The following PYGB variants were observed in gnomAD, a reference collection of about 807,000 sequenced individuals.
PYGB encodes the protein glycogen phosphorylase, brain form.
PYGB carries 82 observed loss-of-function variants against 94.3 expected under a neutral mutation model. The ratio of observed to expected loss-of-function variants is 0.87; its 90% CI spans 0.73 to 1.04. The LOEUF is 1.04. Among genes scored for constraint, PYGB ranks in the 50% least tolerant of loss-of-function variants. The pLI, the probability that PYGB is intolerant of heterozygous loss-of-function variation, is 0.00. For missense variants in PYGB, 1,132 were observed against 1,158.2 expected, an observed-to-expected ratio of 0.98 and a Z score of 0.33; for synonymous variants, 488 against 479.1, an observed-to-expected ratio of 1.02 and a Z score of -0.24.
At chr20:25,271,199 G>A (rs1806996465) in intron 3 of PYGB, among the ~76,000 whole-genome samples, 184 bp from the exon 4 acceptor site, 1 of 152,024 alleles carries the variant, frequency 6.6e-6, no homozygotes, top group African/African-American at 2.4e-5. Context: ...CCACCACGTT[G>A]ATGTCTTCTG....
chr20:25,292,071 A>G (rs1050108909), intron 16 of PYGB, among the ~76,000 whole-genome samples: 3 of 152,010 alleles, frequency 2.0e-5, no homozygotes, highest in Non-Finnish European at 2.9e-5. Flanking sequence ...AGGGAACGAC[A>G]TTGTCAGCGA....
intron 16 of PYGB, 100 bp from the exon 17 acceptor site, chr20:25,292,306 C>A: frequency 2.1e-6 from 3 of 1,411,120 alleles, no homozygotes; most frequent in Non-Finnish European, 2.9e-6. Context: ...CCTCCACGAC[C>A]CAGCCCCGGG....
At chr20:25,279,736 A>C (rs993029389) in intron 9 of PYGB, among the ~76,000 whole-genome samples, 10 of 152,210 alleles carry the variant, frequency 6.6e-5, no homozygotes, top group African/African-American at 2.4e-4. Context: ...CAGAAAAATA[A>C]AACCAAAAGA....
At chr20:25,268,171 CAT>C (rs2088236405) in intron 2 of PYGB, among the ~76,000 whole-genome samples, 1 of 121,600 alleles carries the variant, frequency 8.2e-6, no homozygotes. Context: ...GCCCCCCCCC[CAT>C]ATCCAAAATA....
In PYGB at chr20:25,248,366, A is replaced by G. The variant is rs144954599; in HGVS notation, c.188A>G (p.His63Arg). The G allele has an allele frequency of 1.9e-6, 3 of 1,595,960 alleles. No individual in the cohort carries two copies. Among genetic ancestry groups the G allele is most frequent in the Non-Finnish European group, 2.6e-6 (3 of 1,172,570 alleles). The change falls in exon 1 of 20, where the codon CAC (histidine) becomes CGC (arginine). Residue 63 changes from histidine to arginine, a missense_variant. Transcript: ENST00000216962. ...FFALAHTVRD[H>R]LVGRWIRTQQ... ...GCGCTGGCGCACACGGTGCGCGACCACCTCGTGGGCCGCTGGATCCGCACG... is the reference window on the plus strand; with the variant it reads ...GCGCTGGCGCACACGGTGCGCGACCGCCTCGTGGGCCGCTGGATCCGCACG...
chr20:25,293,144 T>TG (rs879897985), intron 17 of PYGB, among the ~76,000 whole-genome samples: 5 of 52,648 alleles, frequency 9.5e-5, no homozygotes, highest in African/African-American at 3.9e-4. Flanking sequence ...GGTGGGGGAG[T>TG]GGGGGGGATG....
chr20:25,263,781 A>T (rs1293464658), intron 2 of PYGB, among the ~76,000 whole-genome samples: 1 of 152,236 alleles, frequency 6.6e-6, no homozygotes, highest in Non-Finnish European at 1.5e-5. Flanking sequence ...AAATTGAGGC[A>T]ATAATTAATA....
At chr20:25,266,632 A>G (rs1440173071) in intron 2 of PYGB, among the ~76,000 whole-genome samples, 4 of 152,224 alleles carry the variant, frequency 2.6e-5, no homozygotes, top group Non-Finnish European at 4.4e-5. Context: ...CCTAAATCTG[A>G]TAAGAGTCTA....
Position 25,248,108 on chromosome 20 carries a change from G to C in PYGB, c.-71G>C. ...CCAGAGCAGCGGCGCCAGAGCAGCT[G>C]CACCATCCCGGCGTTCGCGTGTGCC... On this transcript the variant is annotated 5_prime_UTR_variant, in exon 1 of 20. Transcript: ENST00000216962. 1.4e-6 allele frequency: 2 copies of C among 1,475,648 alleles called. No homozygotes were observed. Among genetic ancestry groups the C allele is most frequent in the South Asian group, 2.7e-5 (2 of 74,990 alleles). 91.4% of individuals were successfully genotyped at this position (1,475,648 alleles called of 1,614,324 possible). A position where few individuals can be genotyped will look rare whatever the true frequency, so the allele number is the denominator to read the frequency against.
chr20:25,270,712 C>CT (rs1253979955), intron 3 of PYGB, among the ~76,000 whole-genome samples: 2 of 152,184 alleles, frequency 1.3e-5, no homozygotes, highest in Admixed American at 1.3e-4. Context: ...CCAGGCTGGT[C>CT]TCAAACTCCT....
intron 12 of PYGB, among the ~76,000 whole-genome samples, 183 bp downstream of exon 12, chr20:25,282,330 A>G (rs991272643): frequency 2.0e-5 from 3 of 152,184 alleles, no homozygotes; most frequent in Non-Finnish European, 4.4e-5. Flanking sequence ...GCAGTCACCC[A>G]TTGGGCCTGG....
chr20:25,260,606 T>A (rs969558079), intron 2 of PYGB, among the ~76,000 whole-genome samples: 5 of 152,204 alleles, frequency 3.3e-5, no homozygotes, highest in Admixed American at 6.5e-5. Flanking sequence ...GGTACTGGGT[T>A]CATCTCACTG....
intron 14 of PYGB, 106 bp downstream of exon 14, chr20:25,284,357 G>C: frequency 7.2e-7 from 1 of 1,398,246 alleles, no homozygotes; most frequent in Non-Finnish European, 9.7e-7. Flanking sequence ...GGGGCTGTGT[G>C]TGTATAGGCG....
At chr20:25,263,246 CAG>C (rs1199705738) in intron 2 of PYGB, among the ~76,000 whole-genome samples, 3 of 152,184 alleles carry the variant, frequency 2.0e-5, no homozygotes, top group Non-Finnish European at 2.9e-5. Flanking sequence ...TGTAAAAGAA[CAG>C]AAATTATAAC....
intron 1 of PYGB, among the ~76,000 whole-genome samples, chr20:25,250,784 T>C (rs931536142): frequency 6.6e-6 from 1 of 152,234 alleles, no homozygotes. Flanking sequence ...AACGCTTTTA[T>C]TGTTATTTTT....
chr20:25,252,300 G>A (rs2092890269), intron 1 of PYGB, among the ~76,000 whole-genome samples: 1 of 152,226 alleles, frequency 6.6e-6, no homozygotes, highest in Admixed American at 6.5e-5. Flanking sequence ...TGCAGGCTGT[G>A]GTGGCTGGTT....
chr20:25,264,450 A>C (rs934835266), intron 2 of PYGB, among the ~76,000 whole-genome samples: 2 of 152,196 alleles, frequency 1.3e-5, no homozygotes, highest in Admixed American at 1.3e-4. Context: ...GAAAGAAATA[A>C]AGGGTATTCA....
chr20:25,265,425 TG>T (rs2088207877), intron 2 of PYGB, among the ~76,000 whole-genome samples: 1 of 152,200 alleles, frequency 6.6e-6, no homozygotes, highest in Non-Finnish European at 1.5e-5. Flanking sequence ...TCATTCTAAA[TG>T]GGTGTAAAAT....
intron 16 of PYGB, among the ~76,000 whole-genome samples, chr20:25,291,528 T>C (rs1389602065): frequency 6.6e-6 from 1 of 152,188 alleles, no homozygotes; most frequent in African/African-American, 2.4e-5. Context: ...TTGGTGTCCA[T>C]GTCGCTCCCC....
Sources: allele counts gnomAD v4.1 joint callset (sites outside exome capture counted in the v4.1 genomes callset), GRCh38; gene constraint gnomAD v4.1.1; transcripts MANE v1.5; gene names NCBI Gene and HGNC (gene_info 2026-07-23, HGNC 2026-07-21).